FDPS: variants seen among roughly 807,000 people sequenced by gnomAD.
FDPS encodes farnesyl diphosphate synthase, also known as farnesyl pyrophosphate synthase.
FDPS carries 29 observed loss-of-function variants against 49.5 expected under a neutral mutation model. The ratio of observed to expected loss-of-function variants is 0.59; its 90% confidence interval spans 0.44 to 0.80. FDPS has a LOEUF of 0.80. FDPS is among the 30% of genes least tolerant of loss of function. FDPS has a pLI of 0.00. For missense variants in FDPS, 414 were observed against 525.6 expected (o/e 0.79, Z 2.08); for synonymous variants, 172 against 206.4 (o/e 0.83, Z 1.43).
intron 4 of FDPS, 53 bp from the exon 5 acceptor site, chr1:155,317,888 G>A: frequency 9.3e-6 from 14 of 1,510,704 alleles, no homozygotes; most frequent in Non-Finnish European, 1.2e-5. Context: ...CTCTGTTGCT[G>A]ATAGAAGGAA....
rs764607994 is a variant in FDPS, at chr1:155,319,628, G to C, written c.864G>C (p.Glu288Asp). ...CCCTGCAGGCAGGAATTGATGGCGA[G>C]AAGGAGCACGCCAATGCCAAGAAGA... ...AAMYMAGIDG[E>D]KEHANAKKIL... The change falls in exon 9 of 11, where the codon GAG (glutamate) becomes GAC (aspartate). Residue 288 changes from glutamate to aspartate, a missense_variant. Glu to Asp is a conservative substitution (Grantham distance 45, BLOSUM62 2). Transcript: ENST00000368356. 6.2e-7 allele frequency: 1 copy of C among 1,614,232 alleles called. No individual in the cohort carries two copies. The highest frequency in any genetic ancestry group is 8.5e-7 in the Non-Finnish European group (1 of 1,180,054).
At chr1:155,311,791 G>A (rs1168398459) in intron 3 of FDPS, among the ~76,000 whole-genome samples, 1 of 152,020 alleles carries the variant, frequency 6.6e-6, no homozygotes, top group Non-Finnish European at 1.5e-5. Flanking sequence ...TAGCCAACAT[G>A]GTGAAACTCT....
At chr1:155,313,298 G>A (rs905585397) in intron 4 of FDPS, among the ~76,000 whole-genome samples, 32 of 152,178 alleles carry the variant, frequency 2.1e-4, no homozygotes, top group African/African-American at 7.2e-4. Flanking sequence ...ATACCAGTTC[G>A]TCTTGGTCTT....
intron 1 of FDPS, 126 bp from the exon 2 acceptor site, chr1:155,309,663 A>G: frequency 1.2e-6 from 1 of 829,114 alleles, no homozygotes; most frequent in South Asian, 2.3e-5. Flanking sequence ...CACATTCCAC[A>G]AGAGGGAGGG....
Position 155,317,962 on chromosome 1 carries a change from G to T in FDPS, c.502G>T (p.Ala168Ser), listed in dbSNP as rs2148245611. Reference protein sequence around the residue: ...VELLQAFFLVADDIMDSSLTR... With the variant: ...VELLQAFFLVSDDIMDSSLTR... ...CTAGCTGCAAGCTTTCTTCCTGGTG[G>T]CAGATGACATCATGGATTCATCCCT... Residue 168 changes from alanine (A) to serine (S), a missense_variant, in exon 5 of 11, where the codon GCA (alanine) becomes TCA (serine). Coordinates refer to ENST00000368356, the MANE Select transcript of FDPS (RefSeq NM_002004.4). The T allele has an allele frequency of 6.2e-7, 1 of 1,612,950 alleles. No individual in the cohort carries two copies. Among genetic ancestry groups the T allele is most frequent in the South Asian group, 1.1e-5 (1 of 91,028 alleles).
intron 4 of FDPS, 177 bp downstream of exon 4, chr1:155,312,572 CTT>C: frequency 1.5e-6 from 1 of 649,350 alleles, no homozygotes; most frequent in Non-Finnish European, 2.6e-6. Context: ...TGGGGAGCCT[CTT>C]TTGGCATTAG....
In FDPS at chr1:155,319,831, C is replaced by A. The variant is rs747214912; in HGVS notation, c.962C>A (p.Thr321Asn). ...GACCTCTTTGGGGACCCCAGTGTGA[C>A]CGGCAAAATTGGCACTGACATCCAG... ...YLDLFGDPSV[T>N]GKIGTDIQDN... Residue 321 changes from threonine to asparagine, a missense_variant, in exon 10 of 11, where the codon ACC (threonine) becomes AAC (asparagine). Coordinates refer to ENST00000368356, the MANE Select transcript of FDPS (RefSeq NM_002004.4). 6.2e-7 allele frequency: 1 copy of A among 1,614,148 alleles called. No homozygotes were observed. Among genetic ancestry groups the A allele is most frequent in the Non-Finnish European group, 8.5e-7 (1 of 1,180,034 alleles).
At chr1:155,320,382 GT>G in intron 10 of FDPS, 26 bp from the exon 11 acceptor site, 1 of 1,600,426 alleles carries the variant, frequency 6.2e-7, no homozygotes, top group Non-Finnish European at 8.5e-7. Flanking sequence ...GGCCAAGCCC[GT>G]TTTCCTGTCT....
intron 4 of FDPS, among the ~76,000 whole-genome samples, chr1:155,315,919 A>G (rs960287216): frequency 6.6e-6 from 1 of 151,694 alleles, no homozygotes; most frequent in Admixed American, 6.6e-5. Flanking sequence ...TGGGTGACAG[A>G]GTGAGATCCT....
At chr1:155,309,994 G>A in intron 2 of FDPS, 29 bp downstream of exon 2, 2 of 1,611,462 alleles carry the variant, frequency 1.2e-6, no homozygotes, top group South Asian at 2.2e-5. Flanking sequence ...AGGGGCCTTG[G>A]GGAGGGGAGC....
chr1:155,309,676 A>T, intron 1 of FDPS, 113 bp from the exon 2 acceptor site: 1 of 924,594 alleles, frequency 1.1e-6, no homozygotes, highest in Non-Finnish European at 1.6e-6. Flanking sequence ...AGGGAGGGGC[A>T]CTCTGGGCTA....
chr1:155,312,642 C>T, intron 4 of FDPS: 1 of 435,454 alleles, frequency 2.3e-6, no homozygotes, highest in South Asian at 3.0e-5. Context: ...CGAGACTGGG[C>T]AGAGAGGTGT....
intron 8 of FDPS, among the ~76,000 whole-genome samples, chr1:155,319,269 C>T (rs1649931602): frequency 6.6e-6 from 1 of 152,136 alleles, no homozygotes; most frequent in South Asian, 2.1e-4. Flanking sequence ...CCTGACCTTG[C>T]TTCTCTACAT....
chr1:155,311,144 C>T (rs571251423), intron 3 of FDPS, among the ~76,000 whole-genome samples: 1 of 152,082 alleles, frequency 6.6e-6, no homozygotes, highest in South Asian at 2.1e-4. Context: ...TCGAGACCAG[C>T]CTGGTCAACA....
Position 155,318,982 on chromosome 1 carries a change from C to T in FDPS, c.846+54C>T, listed in dbSNP as rs1019770121. The T allele has an allele frequency of 1.5e-6, 2 of 1,348,736 alleles. No homozygotes were observed. Among genetic ancestry groups the T allele is most frequent in the African/African-American group, 2.9e-5 (2 of 69,466 alleles). The allele number at this position is 1,348,736 out of a possible 1,614,324, so 83.5% of individuals were successfully genotyped here. On this transcript the variant is annotated intron_variant, in intron 8 of 10. Transcript: ENST00000368356. The surrounding 1 kb of genome is among the most constrained non-coding windows in gnomAD (Gnocchi z 4.2). ...TCTGCTGATGGGGGCTTTTGGACAGCAAGGCATAGAGCAGAAAACGTGAAC... is the reference window on the plus strand; with the variant it reads ...TCTGCTGATGGGGGCTTTTGGACAGTAAGGCATAGAGCAGAAAACGTGAAC...
At chr1:155,313,089 A>G (rs776599169) in intron 4 of FDPS, 4 of 152,228 alleles carry the variant, frequency 2.6e-5, no homozygotes, top group Admixed American at 6.5e-5. Context: ...TTTACAATTA[A>G]GTCTCCTAAA....
chr1:155,317,318 A>G (rs1051164620), intron 4 of FDPS: 1 of 152,418 alleles, frequency 6.6e-6, no homozygotes, highest in African/African-American at 2.4e-5. Context: ...AGAGTACGGT[A>G]TATGAAGGTG....
intron 3 of FDPS, 186 bp downstream of exon 3, chr1:155,310,391 A>G (rs955586227): frequency 1.4e-5 from 8 of 567,202 alleles, no homozygotes; most frequent in South Asian, 4.5e-5. Flanking sequence ...GCTTGCTGCA[A>G]CCTCCACCTC....
chr1:155,319,724 C>A (rs372588531), intron 9 of FDPS, 36 bp downstream of exon 9: 1 of 1,613,856 alleles, frequency 6.2e-7, no homozygotes, highest in African/African-American at 1.3e-5. Flanking sequence ...AGAACAGGCA[C>A]CAGCTTCACT....
Sources: allele counts gnomAD v4.1 joint callset (sites outside exome capture counted in the v4.1 genomes callset), GRCh38; gene constraint gnomAD v4.1.1; non-coding constraint Gnocchi (gnomAD v3.1); transcripts MANE v1.5; gene names NCBI Gene and HGNC (gene_info 2026-07-23, HGNC 2026-07-21).